NHERF1: variants seen among roughly 807,000 people sequenced by gnomAD.
NHERF1 encodes the protein Na(+)/H(+) exchange regulatory cofactor NHE-RF1.
chr17:74,768,762 A>C, the NHERF1 span: 1 of 917,056 alleles, frequency 1.1e-6, no homozygotes, highest in Non-Finnish European at 1.7e-6. Flanking sequence ...ATCAGCACCC[A>C]CATCCCCTTT....
At chr17:74,763,334 T>C in the NHERF1 span, 1 of 1,597,596 alleles carries the variant, frequency 6.3e-7, no homozygotes, top group Non-Finnish European at 8.6e-7. Flanking sequence ...CCAAGGCCTG[T>C]GTCCGTAACG....
the NHERF1 span, among the ~76,000 whole-genome samples, chr17:74,762,854 G>A: frequency 2.6e-5 from 4 of 152,178 alleles, no homozygotes; most frequent in Admixed American, 6.5e-5. This position sits in a 1 kb window ranked among gnomAD's most constrained non-coding sequence, Gnocchi z 4.2. Flanking sequence ...CACCTCACCC[G>A]GCCCCGAGTT....
At chr17:74,763,497 T>G in the NHERF1 span, 3 of 1,603,590 alleles carry the variant, frequency 1.9e-6, no homozygotes, top group Non-Finnish European at 2.6e-6. Context: ...TGCAGAGTGA[T>G]CCCATCTCAG....
chr17:74,763,649 C>T, the NHERF1 span: 1 of 920,162 alleles, frequency 1.1e-6, no homozygotes, highest in Non-Finnish European at 1.7e-6. Context: ...CTCCCTCCTC[C>T]TCCTTCATGG....
chr17:74,766,516 G>GT, the NHERF1 span, among the ~76,000 whole-genome samples: 10 of 150,162 alleles, frequency 6.7e-5, no homozygotes, highest in East Asian at 8.1e-4. Context: ...ACATTTTTTT[G>GT]TTTTTTTTAA....
chr17:74,762,372 A>G, the NHERF1 span, among the ~76,000 whole-genome samples: 1 of 151,994 alleles, frequency 6.6e-6, no homozygotes, highest in Non-Finnish European at 1.5e-5. This position sits in a 1 kb window ranked among gnomAD's most constrained non-coding sequence, Gnocchi z 4.2. Flanking sequence ...GGACTGACTG[A>G]TGGACTCTTC....
chr17:74,765,614 C>T, the NHERF1 span, among the ~76,000 whole-genome samples: 1 of 150,580 alleles, frequency 6.6e-6, no homozygotes, highest in Non-Finnish European at 1.5e-5. Flanking sequence ...TGCAATGGCA[C>T]AATCTTGGCT....
At chr17:74,763,070 C>A in the NHERF1 span, 1 of 326,002 alleles carries the variant, frequency 3.1e-6, no homozygotes, top group Non-Finnish European at 5.7e-6. Flanking sequence ...AGGCTGGGCC[C>A]CACCCCGGCC....
chr17:74,760,600 C>CT, the NHERF1 span, among the ~76,000 whole-genome samples: 1 of 152,300 alleles, frequency 6.6e-6, no homozygotes, highest in East Asian at 1.9e-4. The surrounding 1 kb of genome is among the most constrained non-coding windows in gnomAD (Gnocchi z 4.5). Flanking sequence ...TCCCACCCCT[C>CT]TCGGCCCTCT....
chr17:74,761,319 C>T, the NHERF1 span, among the ~76,000 whole-genome samples: 1 of 152,120 alleles, frequency 6.6e-6, no homozygotes, highest in African/African-American at 2.4e-5. This position sits in a 1 kb window ranked among gnomAD's most constrained non-coding sequence, Gnocchi z 4.3. Flanking sequence ...GCAGCGGTGT[C>T]GGGGGAGGAG....
chr17:74,763,697 G>A, the NHERF1 span, among the ~76,000 whole-genome samples: 4 of 152,338 alleles, frequency 2.6e-5, no homozygotes, highest in South Asian at 8.3e-4. Flanking sequence ...CGGGGGCCTA[G>A]TGTAGGGAGT....
chr17:74,759,716 C>T, the NHERF1 span, among the ~76,000 whole-genome samples: 7 of 152,374 alleles, frequency 4.6e-5, no homozygotes, highest in East Asian at 3.9e-4. Flanking sequence ...TGTCTGCCCT[C>T]TGCTGCCTGA....
At chr17:74,748,831 C>T in the NHERF1 span, 5 of 1,582,422 alleles carry the variant, frequency 3.2e-6, no homozygotes, top group South Asian at 1.1e-5. This position sits in a 1 kb window ranked among gnomAD's most constrained non-coding sequence, Gnocchi z 4.3. Flanking sequence ...GCGCCGCTGA[C>T]CCGTCGCAGG....
At chr17:74,761,043 A>G in the NHERF1 span, among the ~76,000 whole-genome samples, 1 of 152,222 alleles carries the variant, frequency 6.6e-6, no homozygotes, top group Admixed American at 6.5e-5. The surrounding 1 kb of genome is among the most constrained non-coding windows in gnomAD (Gnocchi z 4.3). Context: ...TCGGCTGCCT[A>G]CACCCATATT....
At chr17:74,754,707 G>T in the NHERF1 span, among the ~76,000 whole-genome samples, 5 of 152,226 alleles carry the variant, frequency 3.3e-5, no homozygotes, top group South Asian at 2.1e-4. Context: ...TCAAACTCCT[G>T]ACCTCAGGTA....
chr17:74,753,441 A>C, the NHERF1 span, among the ~76,000 whole-genome samples: 1 of 152,108 alleles, frequency 6.6e-6, no homozygotes, highest in Non-Finnish European at 1.5e-5. Flanking sequence ...ACAGAGCTTG[A>C]GCTGCTGGGT....
chr17:74,762,155 C>T, the NHERF1 span: 15 of 1,614,086 alleles, frequency 9.3e-6, no homozygotes, highest in African/African-American at 1.7e-4. This position sits in a 1 kb window ranked among gnomAD's most constrained non-coding sequence, Gnocchi z 4.2. Context: ...GGCTCCGGGC[C>T]CAGGATCGCA....
the NHERF1 span, among the ~76,000 whole-genome samples, chr17:74,766,187 T>TG: frequency 8.6e-4 from 131 of 152,068 alleles, 1 homozygote; most frequent in African/African-American, 3.1e-3. Flanking sequence ...TGGTTTGTTT[T>TG]TTTTGTTTTG....
At chr17:74,758,660 C>T in the NHERF1 span, among the ~76,000 whole-genome samples, 3 of 152,192 alleles carry the variant, frequency 2.0e-5, no homozygotes, top group Non-Finnish European at 4.4e-5. The surrounding 1 kb of genome is among the most constrained non-coding windows in gnomAD (Gnocchi z 4.3). Context: ...ATGCTTCGGA[C>T]CCCTCTGTAG....
Sources: allele counts gnomAD v4.1 joint callset (sites outside exome capture counted in the v4.1 genomes callset), GRCh38; gene constraint gnomAD v4.1.1; non-coding constraint Gnocchi (gnomAD v3.1); transcripts MANE v1.5; gene names NCBI Gene and HGNC (gene_info 2026-07-23, HGNC 2026-07-21).